The following CSNK2A2IP variants were observed in gnomAD, a reference collection of about 807,000 sequenced individuals.
CSNK2A2IP encodes casein kinase II subunit alpha'-interacting protein.
the CSNK2A2IP span, among the ~76,000 whole-genome samples, chr3:88,447,393 A>G: frequency 6.6e-6 from 1 of 152,150 alleles, no homozygotes; most frequent in African/African-American, 2.4e-5. Flanking sequence ...TAATTTACTG[A>G]AGGGAAATTT....
At chr3:88,446,098 CTTTT>C in the CSNK2A2IP span, among the ~76,000 whole-genome samples, 1,668 of 73,794 alleles carry the variant, frequency 0.023, 17 homozygotes, top group African/African-American at 0.031. Context: ...TTCTTTCTTT[CTTTT>C]TTTCTTTCTT....
chr3:88,400,210 G>A, the CSNK2A2IP span, among the ~76,000 whole-genome samples: 1 of 152,240 alleles, frequency 6.6e-6, no homozygotes, highest in East Asian at 1.9e-4. Flanking sequence ...AGAAGGGCAA[G>A]TTATTTCATT....
chr3:88,351,395 G>A, the CSNK2A2IP span, among the ~76,000 whole-genome samples: 6 of 152,032 alleles, frequency 3.9e-5, no homozygotes, highest in East Asian at 1.9e-4. Context: ...CTTCAAAGAC[G>A]ATGTTAATTT....
At chr3:88,338,493 C>G in the CSNK2A2IP span, 1 of 152,086 alleles carries the variant, frequency 6.6e-6, no homozygotes, top group Non-Finnish European at 1.5e-5. Context: ...TGAGGGTAGA[C>G]TATTAAGGCT....
chr3:88,374,268 C>T, the CSNK2A2IP span, among the ~76,000 whole-genome samples: 3 of 151,710 alleles, frequency 2.0e-5, no homozygotes, highest in Admixed American at 2.0e-4. Context: ...CTGTATATTT[C>T]GGTGCGAGGC....
the CSNK2A2IP span, among the ~76,000 whole-genome samples, chr3:88,443,934 A>G: frequency 2.0e-5 from 3 of 152,036 alleles, no homozygotes; most frequent in African/African-American, 7.2e-5. Flanking sequence ...CTGATTTGAG[A>G]TATTTGTGAT....
the CSNK2A2IP span, among the ~76,000 whole-genome samples, chr3:88,399,361 T>A: frequency 6.6e-6 from 1 of 152,122 alleles, no homozygotes; most frequent in African/African-American, 2.4e-5. Context: ...GTCACCAATA[T>A]AAGAAATATT....
chr3:88,447,724 C>G, the CSNK2A2IP span, among the ~76,000 whole-genome samples: 1 of 151,920 alleles, frequency 6.6e-6, no homozygotes, highest in African/African-American at 2.4e-5. Flanking sequence ...TTTTTGTTTT[C>G]TCGATGATAT....
chr3:88,442,994 C>T, the CSNK2A2IP span, among the ~76,000 whole-genome samples: 2,077 of 152,066 alleles, frequency 0.014, 40 homozygotes, highest in African/African-American at 0.048. Context: ...AGTGCTTAGA[C>T]AGTGTTAAAA....
At chr3:88,424,181 ATC>A in the CSNK2A2IP span, among the ~76,000 whole-genome samples, 1 of 152,218 alleles carries the variant, frequency 6.6e-6, no homozygotes, top group African/African-American at 2.4e-5. Flanking sequence ...TTGAATAAAC[ATC>A]TGTCTGCTAA....
At chr3:88,372,099 G>A in the CSNK2A2IP span, among the ~76,000 whole-genome samples, 3 of 151,460 alleles carry the variant, frequency 2.0e-5, no homozygotes, top group Admixed American at 2.0e-4. Flanking sequence ...ATACATTATT[G>A]CCAATATATA....
the CSNK2A2IP span, among the ~76,000 whole-genome samples, chr3:88,389,124 C>T: frequency 6.6e-6 from 1 of 151,616 alleles, no homozygotes; most frequent in Non-Finnish European, 1.5e-5. Flanking sequence ...AATTAGTGTT[C>T]CATAGAACAA....
At chr3:88,370,407 C>T in the CSNK2A2IP span, among the ~76,000 whole-genome samples, 1 of 151,834 alleles carries the variant, frequency 6.6e-6, no homozygotes, top group African/African-American at 2.4e-5. Flanking sequence ...GATATATTCA[C>T]AGAAGTAATT....
At chr3:88,345,237 A>T in the CSNK2A2IP span, among the ~76,000 whole-genome samples, 3 of 152,042 alleles carry the variant, frequency 2.0e-5, no homozygotes, top group African/African-American at 7.2e-5. Flanking sequence ...AAACAGATGA[A>T]CAACCTACAT....
the CSNK2A2IP span, among the ~76,000 whole-genome samples, chr3:88,450,348 C>T: frequency 6.6e-6 from 1 of 152,084 alleles, no homozygotes; most frequent in African/African-American, 2.4e-5. Flanking sequence ...CATGAATCCT[C>T]CATACAGCAC....
the CSNK2A2IP span, among the ~76,000 whole-genome samples, chr3:88,354,692 G>T: frequency 6.6e-6 from 1 of 152,076 alleles, no homozygotes; most frequent in Admixed American, 6.6e-5. Flanking sequence ...AATAGCAAAT[G>T]AACATTTTAG....
chr3:88,437,290 G>T, the CSNK2A2IP span, among the ~76,000 whole-genome samples: 15 of 152,254 alleles, frequency 9.9e-5, no homozygotes, highest in East Asian at 2.7e-3. Context: ...CTACATTGAA[G>T]GTACCTAAGA....
the CSNK2A2IP span, among the ~76,000 whole-genome samples, chr3:88,344,461 T>C: frequency 1.3e-5 from 2 of 152,044 alleles, no homozygotes; most frequent in South Asian, 4.1e-4. Context: ...ACAGAAATAA[T>C]AGCAAGAGCT....
chr3:88,385,100 A>G, the CSNK2A2IP span, among the ~76,000 whole-genome samples: 1 of 152,236 alleles, frequency 6.6e-6, no homozygotes, highest in Non-Finnish European at 1.5e-5. Flanking sequence ...GATATTCCAT[A>G]GCATTAAATC....
Sources: gnomAD v4.1 joint callset for allele counts (sites outside exome capture counted in the v4.1 genomes callset) on GRCh38, gnomAD v4.1.1 for gene constraint, MANE v1.5 for transcripts, NCBI Gene and HGNC (gene_info 2026-07-23, HGNC 2026-07-21) for gene names.